TTC28: variants seen among roughly 807,000 people sequenced by gnomAD.
TTC28 encodes tetratricopeptide repeat domain 28.
TTC28 carries 61 observed loss-of-function variants against 198.0 expected under a neutral mutation model. The observed-to-expected ratio is 0.31, with a 90% CI of 0.25 to 0.38. The LOEUF (loss-of-function observed/expected upper bound fraction) is 0.38, where lower values mean the gene tolerates loss of function less well. Ranked by LOEUF, TTC28 falls within the 10% of genes least tolerant of loss-of-function variation. The probability of loss-of-function intolerance (pLI) is 1.00; values close to 1 mark genes in which losing one functional copy is unlikely to be tolerated. For missense variants in TTC28, 2,678 were observed against 3,164.0 expected, an observed-to-expected ratio of 0.85 and a Z score of 3.69; for synonymous variants, 1,171 against 1,297.8, an observed-to-expected ratio of 0.90 and a Z score of 2.10.
In TTC28 at chr22:28,133,817, C is replaced by T. The variant is rs543785626; in HGVS notation, c.1442-25414G>A. 2.3e-4 allele frequency among the ~76,000 whole-genome samples: 35 copies of T among 152,346 alleles called. 1 individual carries two copies. The East Asian group carries it at 5.0e-3, about 22-fold the overall frequency. Reference sequence around the variant, plus strand: ...TAGCCAAACAAAAGGCAGCAGAAACCTCTGCAGACTTAAATGTCCCTGTCT... The same window carrying T: ...TAGCCAAACAAAAGGCAGCAGAAACTTCTGCAGACTTAAATGTCCCTGTCT... On this transcript the variant is annotated intron_variant, in intron 6 of 22. Transcript: ENST00000397906.
At chr22:28,323,668 G>A (rs1297607) in intron 2 of TTC28, among the ~76,000 whole-genome samples, 133,246 of 152,196 alleles carry the variant, frequency 0.88, 58,470 homozygotes, top group East Asian at 0.99. Context: ...GCCTTAAAGA[G>A]GACGTAGAGG....
chr22:28,612,597 A>G (rs896995831), intron 2 of TTC28, among the ~76,000 whole-genome samples: 3 of 152,192 alleles, frequency 2.0e-5, no homozygotes, highest in Non-Finnish European at 1.5e-5. Flanking sequence ...AACACTCCTC[A>G]GCAAATGCAG....
chr22:28,673,517 G>A (rs900969439), intron 1 of TTC28, among the ~76,000 whole-genome samples: 1 of 152,114 alleles, frequency 6.6e-6, no homozygotes, highest in African/African-American at 2.4e-5. Flanking sequence ...TACTATGGAC[G>A]TAGTTCAGAA....
chr22:28,336,130 C>A (rs547238108), intron 2 of TTC28, among the ~76,000 whole-genome samples: 6 of 152,226 alleles, frequency 3.9e-5, no homozygotes, highest in Admixed American at 2.6e-4. Context: ...TGTTTATATG[C>A]TGGATTACGT....
At chr22:28,549,153 G>A (rs1276195931) in intron 2 of TTC28, among the ~76,000 whole-genome samples, 7 of 151,790 alleles carry the variant, frequency 4.6e-5, no homozygotes, top group Non-Finnish European at 7.4e-5. Context: ...CCAGCCTCCC[G>A]AGTAGCTGGG....
intron 3 of TTC28, among the ~76,000 whole-genome samples, chr22:28,300,884 C>A (rs2045007529): frequency 6.6e-6 from 1 of 152,102 alleles, no homozygotes; most frequent in Non-Finnish European, 1.5e-5. Flanking sequence ...ATGGGGAAAA[C>A]ACTGAGCTAA....
intron 5 of TTC28, among the ~76,000 whole-genome samples, chr22:28,194,556 A>C (rs2147137740): frequency 6.6e-6 from 1 of 152,334 alleles, no homozygotes; most frequent in South Asian, 2.1e-4. Context: ...AAAGAAGAAA[A>C]GAGAGAAGAG....
intron 2 of TTC28, among the ~76,000 whole-genome samples, chr22:28,441,365 T>C (rs2047618888): frequency 6.6e-6 from 1 of 152,070 alleles, no homozygotes; most frequent in African/African-American, 2.4e-5. Context: ...TGCTTAATTA[T>C]ATGGTTTCTT....
chr22:28,289,689 A>T (rs1019913179), intron 5 of TTC28, among the ~76,000 whole-genome samples: 2 of 152,136 alleles, frequency 1.3e-5, no homozygotes, highest in African/African-American at 4.8e-5. Context: ...AGCCTGAGCA[A>T]TGTAGCAAGA....
chr22:28,502,366 C>T (rs571670363), intron 2 of TTC28, among the ~76,000 whole-genome samples: 14 of 151,858 alleles, frequency 9.2e-5, no homozygotes, highest in Admixed American at 4.6e-4. Flanking sequence ...ATGGGCCAGG[C>T]GCAGTGGCTT....
intron 6 of TTC28, among the ~76,000 whole-genome samples, chr22:28,136,623 G>A (rs569847777): frequency 2.0e-5 from 3 of 152,312 alleles, no homozygotes; most frequent in Admixed American, 2.0e-4. Context: ...CCAGGGAAAT[G>A]TCTAACATGA....
chr22:28,128,922 C>T (rs1303212648), intron 6 of TTC28, among the ~76,000 whole-genome samples: 1 of 152,152 alleles, frequency 6.6e-6, no homozygotes, highest in Non-Finnish European at 1.5e-5. Context: ...TCGTACCTGA[C>T]AATGAGAGCT....
chr22:28,533,499 A>G (rs2049191726), intron 2 of TTC28, among the ~76,000 whole-genome samples: 1 of 152,224 alleles, frequency 6.6e-6, no homozygotes, highest in Admixed American at 6.5e-5. Flanking sequence ...TAATTTATAG[A>G]TTCAATGCCA....
chr22:28,523,898 T>C (rs2146436685), intron 2 of TTC28, among the ~76,000 whole-genome samples: 1 of 152,284 alleles, frequency 6.6e-6, no homozygotes, highest in Middle Eastern at 3.4e-3. Flanking sequence ...GAGCTTCACA[T>C]TAATAATCTC....
chr22:28,095,227 C>T lies in TTC28; in HGVS notation c.3766+963G>A, dbSNP rs937764509. On this transcript the variant is annotated intron_variant, in intron 11 of 22. Transcript: ENST00000397906. ...AAACCTTTAGCATTAAAAAGGTCAG[C>T]GGTAAGAACATTCTTTGTGGAAAGC... 3.3e-5 allele frequency among the ~76,000 whole-genome samples: 5 copies of T among 151,874 alleles called. No individual in the cohort carries two copies. In the East Asian group the frequency reaches 9.6e-4, roughly 29 times the overall value.
At chr22:28,399,480 C>G (rs1366614299) in intron 2 of TTC28, among the ~76,000 whole-genome samples, 1 of 151,922 alleles carries the variant, frequency 6.6e-6, no homozygotes, top group Non-Finnish European at 1.5e-5. Flanking sequence ...ACCACCATAC[C>G]TGGCTAGTTT....
chr22:28,234,320 G>C (rs752715019), intron 5 of TTC28, among the ~76,000 whole-genome samples: 1 of 152,002 alleles, frequency 6.6e-6, no homozygotes, highest in African/African-American at 2.4e-5. Context: ...AGGATTACAG[G>C]CGTGAGCCAC....
intron 13 of TTC28, among the ~76,000 whole-genome samples, chr22:28,018,331 C>A (rs998916955): frequency 1.3e-5 from 2 of 150,050 alleles, no homozygotes; most frequent in African/African-American, 4.9e-5. Flanking sequence ...GGAACCTGTC[C>A]CTAGAGAGAT....
intron 2 of TTC28, among the ~76,000 whole-genome samples, chr22:28,459,036 C>T (rs1048464772): frequency 5.3e-5 from 8 of 151,830 alleles, no homozygotes; most frequent in Admixed American, 3.3e-4. Context: ...GGTGTGTGGA[C>T]GTGTGTGTGT....
Sources: allele counts gnomAD v4.1 joint callset (sites outside exome capture counted in the v4.1 genomes callset), GRCh38; gene constraint gnomAD v4.1.1; transcripts MANE v1.5; gene names NCBI Gene and HGNC (gene_info 2026-07-23, HGNC 2026-07-21).